The following OSBPL1A variants were observed in gnomAD, a reference collection of about 807,000 sequenced individuals.
The protein encoded by OSBPL1A is oxysterol-binding protein-related protein 1.
A neutral mutation model predicts 137.1 loss-of-function variants in OSBPL1A; 80 were observed. The ratio of observed to expected loss-of-function variants is 0.58; its 90% confidence interval spans 0.49 to 0.70. The LOEUF (loss-of-function observed/expected upper bound fraction) is 0.70, where lower values mean the gene tolerates loss of function less well. OSBPL1A is among the 30% of genes least tolerant of loss of function. OSBPL1A has a pLI of 0.00. For synonymous variants in OSBPL1A, 365 were observed against 389.7 expected, an observed-to-expected ratio of 0.94 and a Z score of 0.75; for missense variants, 970 against 1,129.4, an observed-to-expected ratio of 0.86 and a Z score of 2.02.
At chr18:24,294,932 T>C (rs2090261988) in intron 14 of OSBPL1A, among the ~76,000 whole-genome samples, 1 of 152,244 alleles carries the variant, frequency 6.6e-6, no homozygotes, top group African/African-American at 2.4e-5. Flanking sequence ...TAGATACCAG[T>C]AGTGGGACTG....
intron 13 of OSBPL1A, among the ~76,000 whole-genome samples, chr18:24,306,983 T>A (rs531082459): frequency 1.3e-5 from 2 of 151,778 alleles, no homozygotes; most frequent in African/African-American, 4.8e-5. Context: ...CTGGCCAGGC[T>A]CGGTGGCTCA....
intron 4 of OSBPL1A, among the ~76,000 whole-genome samples, chr18:24,353,067 G>C (rs2091470829): frequency 6.6e-6 from 1 of 152,058 alleles, no homozygotes; most frequent in African/African-American, 2.4e-5. Context: ...ATTGACAAAT[G>C]GGATCTAATT....
intron 24 of OSBPL1A, among the ~76,000 whole-genome samples, chr18:24,167,930 C>G (rs1053198751): frequency 2.0e-5 from 3 of 152,136 alleles, no homozygotes; most frequent in African/African-American, 7.2e-5. Context: ...TGTGGGAAGC[C>G]AACGGATACC....
intron 7 of OSBPL1A, among the ~76,000 whole-genome samples, chr18:24,329,987 A>T (rs1053051867): frequency 6.6e-6 from 1 of 152,076 alleles, no homozygotes; most frequent in Non-Finnish European, 1.5e-5. Flanking sequence ...CTCAAAGCTG[A>T]TTGGTTATGT....
chr18:24,254,052 A>G (rs958550440), intron 15 of OSBPL1A, among the ~76,000 whole-genome samples: 3 of 152,246 alleles, frequency 2.0e-5, no homozygotes, highest in African/African-American at 7.2e-5. Context: ...ATGCCCAGGA[A>G]TGAATAAGCA....
In OSBPL1A at chr18:24,348,830, A is replaced by C. The variant is rs138967099; in HGVS notation, c.283-7172T>G. 3.3e-5 allele frequency among the ~76,000 whole-genome samples: 5 copies of C among 152,214 alleles called. No individual in the cohort carries two copies. The East Asian group carries it at 9.7e-4, about 29-fold the overall frequency. ...GGTAAAAGATACACCACAGTCTACT[A>C]TACAAACTGAACAAAGTTCACCCCA... On this transcript the variant is annotated intron_variant, in intron 4 of 27. Transcript: ENST00000319481.
chr18:24,303,727 A>C lies in OSBPL1A; in HGVS notation c.1093-9T>G. ...TGGCATGACTGTGCTTTCTGCAAAA[A>C]AAGAAAAGACAAAATTAAAACAAAG... is the stretch of plus-strand genomic sequence containing the variant. On this transcript the variant is annotated splice_polypyrimidine_tract_variant and intron_variant, in intron 13 of 27. Coordinates refer to ENST00000319481, the MANE Select transcript of OSBPL1A (RefSeq NM_080597.4). 3 of 1,607,924 alleles carry C rather than the reference A, an allele frequency of 1.9e-6. No homozygotes were observed. Among genetic ancestry groups the C allele is most frequent in the Non-Finnish European group, 2.6e-6 (3 of 1,175,732 alleles).
At position 24,388,914 on chromosome 18, in the gene OSBPL1A, C is replaced by T. The variant is rs1004463430; in HGVS notation, c.-3+8741G>A. Among the ~76,000 whole-genome samples the T allele has an allele frequency of 2.6e-5, 4 of 151,442 alleles. 1 individual carries two copies. The highest frequency in any genetic ancestry group is 6.6e-5 in the Admixed American group (1 of 15,204). On this transcript the variant is annotated intron_variant, in intron 1 of 27. Transcript: ENST00000319481. ...TTCTTAATTTGATGCATCTTTAATT[C>T]GTAAACTATTTAATTTCCATTAATT...
intron 16 of OSBPL1A, among the ~76,000 whole-genome samples, chr18:24,237,411 C>T (rs897212066): frequency 5.3e-5 from 8 of 152,050 alleles, no homozygotes; most frequent in Non-Finnish European, 8.8e-5. Context: ...CTTAAGCGAT[C>T]CTCCCACCGC....
Position 24,178,208 on chromosome 18 carries a change from A to G in OSBPL1A, c.1911-13T>C. 3 of 1,474,310 alleles carry G rather than the reference A, an allele frequency of 2.0e-6. No homozygotes were observed. The highest frequency in any genetic ancestry group is 2.2e-5 in the Admixed American group (1 of 44,696). 91.3% of individuals were successfully genotyped at this position (1,474,310 alleles called of 1,614,324 possible). A position where few individuals can be genotyped will look rare whatever the true frequency, so the allele number is the denominator to read the frequency against. Reference sequence around the variant, plus strand: ...TCCAAGGTCATCTCTTAAGATTTAAAAAAAAAAAAAAAGAAAAAAAAAAGC... The same window carrying G: ...TCCAAGGTCATCTCTTAAGATTTAAGAAAAAAAAAAAAGAAAAAAAAAAGC... On this transcript the variant is annotated splice_polypyrimidine_tract_variant and intron_variant, in intron 20 of 27. Transcript: ENST00000319481.
chr18:24,374,139 T>C (rs1905896399), intron 2 of OSBPL1A, among the ~76,000 whole-genome samples: 1 of 152,150 alleles, frequency 6.6e-6, no homozygotes, highest in African/African-American at 2.4e-5. Flanking sequence ...ATTTTATACA[T>C]TTTTTTATTT....
chr18:24,298,245 A>T (rs2090328566), intron 14 of OSBPL1A, among the ~76,000 whole-genome samples: 1 of 152,188 alleles, frequency 6.6e-6, no homozygotes, highest in African/African-American at 2.4e-5. Flanking sequence ...ATCATGAAGA[A>T]ATAACCATAA....
chr18:24,397,415 T>C (rs1319589773), intron 1 of OSBPL1A, among the ~76,000 whole-genome samples: 1 of 152,238 alleles, frequency 6.6e-6, no homozygotes, highest in Non-Finnish European at 1.5e-5. Flanking sequence ...CGCCAACATC[T>C]TGTTACTTTT....
At chr18:24,177,988 G>C in intron 21 of OSBPL1A, 25 bp downstream of exon 21, 1 of 1,600,354 alleles carries the variant, frequency 6.2e-7, no homozygotes, top group Non-Finnish European at 8.6e-7. Flanking sequence ...CATGAAAAGA[G>C]TGTAATGGCT....
At chr18:24,388,755 G>A (rs1290001596) in intron 1 of OSBPL1A, among the ~76,000 whole-genome samples, 1 of 141,778 alleles carries the variant, frequency 7.1e-6, no homozygotes, top group Non-Finnish European at 1.5e-5. Context: ...AGCCAAGATC[G>A]CGCCACTGCA....
rs79582250 is a variant in OSBPL1A at position 24,268,581 on chromosome 18, C to T, written c.1281+12261G>A. Among the ~76,000 whole-genome samples, 329 of 151,986 alleles carry T rather than the reference C, an allele frequency of 2.2e-3. 1 individual carries two copies. Among genetic ancestry groups the T allele is most frequent in the Non-Finnish European group, 3.3e-3 (223 of 67,950 alleles). On this transcript the variant is annotated intron_variant, in intron 15 of 27. Transcript: ENST00000319481. ...TAAAGGAAAAAAAAGATTCCAATGA[C>T]CACCTGGCTACCAAATACAATGGAC...
At chr18:24,201,024 A>C (rs1029180894) in intron 17 of OSBPL1A, among the ~76,000 whole-genome samples, 1 of 152,040 alleles carries the variant, frequency 6.6e-6, no homozygotes, top group Non-Finnish European at 1.5e-5. Flanking sequence ...CGAGAGCAGC[A>C]ATCAGAATTT....
chr18:24,288,788 A>C (rs1406094679), intron 14 of OSBPL1A, among the ~76,000 whole-genome samples: 1 of 147,918 alleles, frequency 6.8e-6, no homozygotes, highest in African/African-American at 2.5e-5. Flanking sequence ...AAAATTGTGG[A>C]GGCAGTGTGT....
chr18:24,286,356 C>A (rs2090066821), intron 14 of OSBPL1A, among the ~76,000 whole-genome samples: 3 of 152,054 alleles, frequency 2.0e-5, no homozygotes, highest in South Asian at 2.1e-4. Context: ...AAATAGAAAT[C>A]TATTTTTTGT....
Sources: allele counts gnomAD v4.1 joint callset (sites outside exome capture counted in the v4.1 genomes callset), GRCh38; gene constraint gnomAD v4.1.1; transcripts MANE v1.5; gene names NCBI Gene and HGNC (gene_info 2026-07-23, HGNC 2026-07-21).